GRIN2B: variants seen among roughly 807,000 people sequenced by gnomAD.
GRIN2B encodes the protein glutamate ionotropic receptor NMDA type subunit 2B, also known as glutamate receptor ionotropic, NMDA 2B.
GRIN2B carries 5 observed loss-of-function variants against 114.5 expected under a neutral mutation model. That is an observed-to-expected ratio of 0.04 (90% CI 0.02 to 0.09). The LOEUF (loss-of-function observed/expected upper bound fraction) is 0.09, where lower values mean the gene tolerates loss of function less well. Among genes scored for constraint, GRIN2B ranks in the 10% least tolerant of loss-of-function variants. The pLI, the probability that GRIN2B is intolerant of heterozygous loss-of-function variation, is 1.00. For synonymous variants in GRIN2B, 787 were observed against 745.1 expected (o/e 1.06, Z -0.92); for missense variants, 1,108 against 1,943.5 (o/e 0.57, Z 8.08).
chr12:13,875,718 A>T (rs1471017787), intron 2 of GRIN2B, among the ~76,000 whole-genome samples: 1 of 152,046 alleles, frequency 6.6e-6, no homozygotes, highest in East Asian at 1.9e-4. Flanking sequence ...GAGTTAATGG[A>T]CTCACTTTTA....
At chr12:13,789,305 G>T (rs985731102) in intron 3 of GRIN2B, among the ~76,000 whole-genome samples, 5 of 152,174 alleles carry the variant, frequency 3.3e-5, no homozygotes, top group Admixed American at 1.3e-4. Flanking sequence ...GGCAATAACT[G>T]CAAAAGCATG....
At chr12:13,651,854 T>C (rs1949816434) in intron 5 of GRIN2B, among the ~76,000 whole-genome samples, 1 of 152,102 alleles carries the variant, frequency 6.6e-6, no homozygotes, top group South Asian at 2.1e-4. Flanking sequence ...TCATCTAACC[T>C]CTCCAGATCT....
chr12:13,869,231 CTTTTTTTTTCT>C (rs1186511330), intron 2 of GRIN2B, among the ~76,000 whole-genome samples: 6 of 126,042 alleles, frequency 4.8e-5, no homozygotes, highest in Non-Finnish European at 1.0e-4. Flanking sequence ...TTTTCTTTTT[CTTTTTTTTTCT>C]TTTTTTTTTT....
At chr12:13,755,205 T>C (rs192922623) in intron 3 of GRIN2B, among the ~76,000 whole-genome samples, 135 of 152,300 alleles carry the variant, frequency 8.9e-4, no homozygotes, top group Admixed American at 1.4e-3. Flanking sequence ...CAAAATTACA[T>C]AGTGGTTTCT....
At chr12:13,966,720 A>G (rs1867795133) in intron 2 of GRIN2B, among the ~76,000 whole-genome samples, 1 of 152,218 alleles carries the variant, frequency 6.6e-6, no homozygotes, top group African/African-American at 2.4e-5. Flanking sequence ...GGTTGGAAAC[A>G]GGGGAAGTCA....
At chr12:13,822,633 AC>A (rs1160961102) in intron 3 of GRIN2B, among the ~76,000 whole-genome samples, 1 of 152,174 alleles carries the variant, frequency 6.6e-6, no homozygotes, top group Admixed American at 6.5e-5. Flanking sequence ...ATAAAACCAT[AC>A]AAAAACACAG....
chr12:13,667,753 T>TTGTGTATTATTCTGTACACTG (rs1949991355), intron 5 of GRIN2B, among the ~76,000 whole-genome samples: 1 of 152,206 alleles, frequency 6.6e-6, no homozygotes, highest in African/African-American at 2.4e-5. Context: ...TTATTCTGTA[T>TTGTGTATTATTCTGTACACTG]TGTATTACAG....
At chr12:13,631,260 C>G (rs1949613471) in intron 5 of GRIN2B, among the ~76,000 whole-genome samples, 1 of 152,180 alleles carries the variant, frequency 6.6e-6, no homozygotes, top group Non-Finnish European at 1.5e-5. Flanking sequence ...AGGCGGATAT[C>G]TGGTCTCAAA....
chr12:13,697,205 G>A (rs944112839), intron 4 of GRIN2B, among the ~76,000 whole-genome samples: 40 of 152,100 alleles, frequency 2.6e-4, no homozygotes, highest in African/African-American at 9.2e-4. Context: ...CAACTCAGGA[G>A]AGAGGCAAAG....
intron 3 of GRIN2B, among the ~76,000 whole-genome samples, chr12:13,815,049 G>A (rs745877389): frequency 3.3e-5 from 5 of 151,908 alleles, no homozygotes; most frequent in Non-Finnish European, 7.4e-5. Context: ...ACCTTTTATA[G>A]GTCAAAAACA....
intron 2 of GRIN2B, among the ~76,000 whole-genome samples, chr12:13,867,990 C>A (rs746321655): frequency 1.3e-5 from 2 of 151,792 alleles, no homozygotes; most frequent in South Asian, 2.1e-4. Flanking sequence ...AGGAAGTGTT[C>A]GAGTTGAGCA....
chr12:13,607,392 TTA>T (rs1565473814), intron 10 of GRIN2B, among the ~76,000 whole-genome samples: 4 of 69,498 alleles, frequency 5.8e-5, no homozygotes, highest in East Asian at 3.5e-4. Flanking sequence ...ATAATATATA[TTA>T]TATATAATAT....
chr12:13,799,702 G>T (rs183787141), intron 3 of GRIN2B, among the ~76,000 whole-genome samples: 31 of 152,170 alleles, frequency 2.0e-4, no homozygotes, highest in Admixed American at 6.5e-4. Context: ...CAGGAGAGAG[G>T]GGGGGAAAGG....
intron 4 of GRIN2B, among the ~76,000 whole-genome samples, chr12:13,747,309 A>G (rs1863402375): frequency 6.6e-6 from 1 of 152,224 alleles, no homozygotes; most frequent in South Asian, 2.1e-4. Flanking sequence ...TGAAATGACC[A>G]TCTATATGTC....
chr12:13,665,050 G>T (rs1949960109), intron 5 of GRIN2B, among the ~76,000 whole-genome samples: 1 of 152,100 alleles, frequency 6.6e-6, no homozygotes, highest in South Asian at 2.1e-4. Context: ...TCTGTAGGTA[G>T]TTATGGCCTT....
At position 13,564,430 on chromosome 12, in the gene GRIN2B, C is replaced by T. The variant is rs77493389; in HGVS notation, c.2808G>A (p.Glu936=). The part of the protein sequence containing the change: ...RRESSVYDIS[E]HRRSFTHSDC... ...CAGAATGCGTGAAGCTGCGGCGGTG[C>T]TCTGAGATGTCATAGACGGATGACT... is the stretch of plus-strand genomic sequence containing the variant. Residue 936 remains glutamate, a synonymous_variant, in exon 14 of 14, where the codon GAG becomes GAA. Transcript: ENST00000609686. This position sits in a 1 kb window ranked among gnomAD's most constrained non-coding sequence, Gnocchi z 4.8. 6.3e-5 allele frequency: 101 copies of T among 1,614,138 alleles called. No homozygotes were observed. The highest frequency in any genetic ancestry group is 3.3e-4 in the Middle Eastern group (2 of 6,084).
At chr12:13,586,885 C>T (rs992726537) in intron 10 of GRIN2B, among the ~76,000 whole-genome samples, 2 of 152,180 alleles carry the variant, frequency 1.3e-5, no homozygotes, top group Middle Eastern at 3.2e-3. Context: ...ATGCTGTGGA[C>T]ACTATATGAA....
chr12:13,863,927 C>A (rs2136744443), intron 3 of GRIN2B, among the ~76,000 whole-genome samples: 1 of 152,308 alleles, frequency 6.6e-6, no homozygotes, highest in South Asian at 2.1e-4. Flanking sequence ...TATCAGAATT[C>A]TTTCAAAGCA....
chr12:13,739,535 G>A (rs2136614668), intron 4 of GRIN2B, among the ~76,000 whole-genome samples: 2 of 152,152 alleles, frequency 1.3e-5, no homozygotes, highest in East Asian at 3.9e-4. Context: ...CCAAATGTTT[G>A]GGGTAATGCT....
Sources: allele counts gnomAD v4.1 joint callset (sites outside exome capture counted in the v4.1 genomes callset), GRCh38; gene constraint gnomAD v4.1.1; non-coding constraint Gnocchi (gnomAD v3.1); transcripts MANE v1.5; gene names NCBI Gene and HGNC (gene_info 2026-07-23, HGNC 2026-07-21).